Variants in DAPK1 observed in about 807,000 individuals in gnomAD.
DAPK1 encodes death associated protein kinase 1, also known as death-associated protein kinase 1.
A neutral mutation model predicts 144.9 loss-of-function variants in DAPK1; 56 were observed. The observed-to-expected ratio is 0.39, with a 90% CI of 0.31 to 0.48. The LOEUF (loss-of-function observed/expected upper bound fraction) is 0.48, where lower values mean the gene tolerates loss of function less well. DAPK1 is among the 20% of genes least tolerant of loss of function. The pLI, the probability that DAPK1 is intolerant of heterozygous loss-of-function variation, is 0.95. For synonymous variants in DAPK1, 690 were observed against 749.0 expected (o/e 0.92, Z 1.29); for missense variants, 1,454 against 1,875.4 (o/e 0.78, Z 4.15).
At chr9:87,534,068 CTG>C (rs1034759976) in intron 2 of DAPK1, among the ~76,000 whole-genome samples, 3 of 151,418 alleles carry the variant, frequency 2.0e-5, no homozygotes, top group African/African-American at 7.3e-5. Flanking sequence ...TTTTCTTAGA[CTG>C]TGATCCTGTG....
At chr9:87,531,585 A>G (rs1208078475) in intron 2 of DAPK1, among the ~76,000 whole-genome samples, 1 of 152,174 alleles carries the variant, frequency 6.6e-6, no homozygotes, top group Non-Finnish European at 1.5e-5. Flanking sequence ...ATGAGTAGAA[A>G]AAGGCAGAGG....
chr9:87,611,551 C>T (rs753946114), intron 3 of DAPK1, among the ~76,000 whole-genome samples: 5 of 152,148 alleles, frequency 3.3e-5, no homozygotes, highest in Non-Finnish European at 5.9e-5. Context: ...CTTGAACTCC[C>T]GGGCTCGAGT....
At chr9:87,692,065 T>C (rs1419806760) in intron 21 of DAPK1, among the ~76,000 whole-genome samples, 1 of 151,998 alleles carries the variant, frequency 6.6e-6, no homozygotes, top group East Asian at 1.9e-4. Context: ...ATCTGCCTAA[T>C]GCTGAAAGTG....
chr9:87,525,228 C>T, intron 2 of DAPK1: 4 of 1,023,106 alleles, frequency 3.9e-6, no homozygotes, highest in Non-Finnish European at 4.6e-6. Context: ...TCACCCTACC[C>T]AATGCAGTGC....
chr9:87,656,402 C>T (rs1457737019), intron 17 of DAPK1, among the ~76,000 whole-genome samples: 1 of 152,196 alleles, frequency 6.6e-6, no homozygotes, highest in Non-Finnish European at 1.5e-5. Flanking sequence ...ATCACACTCT[C>T]TTCCTCAGCT....
intron 2 of DAPK1, among the ~76,000 whole-genome samples, chr9:87,535,088 G>A (rs1825817332): frequency 6.6e-6 from 1 of 152,098 alleles, no homozygotes; most frequent in Non-Finnish European, 1.5e-5. Context: ...TGGTGGAAAT[G>A]GATACACAGA....
At chr9:87,582,984 T>A (rs934126899) in intron 2 of DAPK1, among the ~76,000 whole-genome samples, 1 of 152,104 alleles carries the variant, frequency 6.6e-6, no homozygotes, top group Non-Finnish European at 1.5e-5. Context: ...GATTCCTTCA[T>A]CTTTTGTCAA....
intron 11 of DAPK1, among the ~76,000 whole-genome samples, 181 bp downstream of exon 11, chr9:87,643,649 T>C (rs1315199563): frequency 6.6e-6 from 1 of 152,016 alleles, no homozygotes; most frequent in Non-Finnish European, 1.5e-5. Context: ...CTTTCCTCTT[T>C]TTTTCTCTTT....
intron 24 of DAPK1, chr9:87,701,781 AT>A (rs1295278306): frequency 2.3e-6 from 1 of 431,592 alleles, no homozygotes; most frequent in East Asian, 7.3e-5. Flanking sequence ...CCCGCACCAG[AT>A]TCTGGTTCTA....
At chr9:87,629,022 G>A (rs1023052221) in intron 3 of DAPK1, among the ~76,000 whole-genome samples, 2 of 152,050 alleles carry the variant, frequency 1.3e-5, no homozygotes, top group Non-Finnish European at 2.9e-5. Flanking sequence ...GGGTTGGATT[G>A]GATACTCCCC....
chr9:87,667,809 A>C (rs2119271380), intron 18 of DAPK1: 1 of 152,214 alleles, frequency 6.6e-6, no homozygotes, highest in Middle Eastern at 3.4e-3. Context: ...AACAGCCCCT[A>C]CATGTCCCTT....
chr9:87,572,682 G>A (rs531298750), intron 2 of DAPK1, among the ~76,000 whole-genome samples: 1 of 149,092 alleles, frequency 6.7e-6, no homozygotes, highest in East Asian at 1.9e-4. Flanking sequence ...TCCACCAAGA[G>A]TGAAGGCTCC....
At chr9:87,633,024 ATATG>A (rs1445266183) in intron 3 of DAPK1, 42 of 981,124 alleles carry the variant, frequency 4.3e-5, no homozygotes, top group Non-Finnish European at 4.8e-5. Flanking sequence ...GGATGAGTAT[ATATG>A]TAGGGATGAA....
intron 3 of DAPK1, among the ~76,000 whole-genome samples, chr9:87,627,571 C>G (rs1232717746): frequency 6.6e-6 from 1 of 152,156 alleles, no homozygotes; most frequent in East Asian, 1.9e-4. Context: ...AGGAAAGATG[C>G]AGACAGAGTG....
intron 2 of DAPK1, among the ~76,000 whole-genome samples, chr9:87,558,888 G>A (rs1826809201): frequency 6.6e-6 from 1 of 152,210 alleles, no homozygotes; most frequent in East Asian, 1.9e-4. Context: ...CAGACTGCCT[G>A]GAACCTGCCC....
chr9:87,609,314 A>G (rs779193686), intron 3 of DAPK1, among the ~76,000 whole-genome samples: 30 of 152,180 alleles, frequency 2.0e-4, no homozygotes, highest in Non-Finnish European at 3.7e-4. Flanking sequence ...GCAAATTCCT[A>G]TATATGCATA....
At chr9:87,683,501 G>A (rs551446654) in intron 20 of DAPK1, among the ~76,000 whole-genome samples, 1 of 152,178 alleles carries the variant, frequency 6.6e-6, no homozygotes, top group South Asian at 2.1e-4. Flanking sequence ...TGGTTAGGAG[G>A]GTGGGATATG....
intron 3 of DAPK1, among the ~76,000 whole-genome samples, chr9:87,620,378 G>A (rs762381489): frequency 6.6e-6 from 1 of 152,120 alleles, no homozygotes; most frequent in South Asian, 2.1e-4. Context: ...GGGAAGAATC[G>A]CTCTGCTCTA....
chr9:87,652,203 C>T, intron 17 of DAPK1, among the ~76,000 whole-genome samples: 1 of 135,874 alleles, frequency 7.4e-6, no homozygotes, highest in African/African-American at 2.9e-5. Context: ...GTCCATCCCC[C>T]CGATCCCGGG....
Sources: allele counts gnomAD v4.1 joint callset (sites outside exome capture counted in the v4.1 genomes callset), GRCh38; gene constraint gnomAD v4.1.1; transcripts MANE v1.5; gene names NCBI Gene and HGNC (gene_info 2026-07-23, HGNC 2026-07-21).